DOCK11: variants seen among roughly 807,000 people sequenced by gnomAD.
DOCK11 encodes the protein dedicator of cytokinesis 11.
DOCK11 carries 70 observed loss-of-function variants against 169.1 expected under a neutral mutation model. The observed-to-expected ratio is 0.41, with a 90% CI of 0.34 to 0.51. The LOEUF (loss-of-function observed/expected upper bound fraction) is 0.51. Ranked by LOEUF, DOCK11 falls within the 20% of genes least tolerant of loss-of-function variation. The pLI is 0.10. For missense variants in DOCK11, 1,166 were observed against 1,538.8 expected (o/e 0.76, Z 4.05); for synonymous variants, 529 against 541.3 (o/e 0.98, Z 0.32).
At chrX:118,596,284 A>G (rs988281637) in intron 20 of DOCK11, among the ~76,000 whole-genome samples, 8 of 112,299 alleles carry the variant, frequency 7.1e-5, no homozygotes, top group Non-Finnish European at 1.3e-4. Flanking sequence ...GCATTTCTGT[A>G]GTTGAACTAG....
At chrX:118,571,716 A>G (rs1293723621) in intron 10 of DOCK11, among the ~76,000 whole-genome samples, 6 of 112,127 alleles carry the variant, frequency 5.4e-5, no homozygotes, top group Non-Finnish European at 1.1e-4. Context: ...TGTGTGGGGA[A>G]GACAAAGAAT....
intron 1 of DOCK11, among the ~76,000 whole-genome samples, chrX:118,515,475 C>A (rs766235737): frequency 9.0e-6 from 1 of 111,066 alleles, no homozygotes; most frequent in African/African-American, 3.3e-5. Context: ...TCAGGTGATC[C>A]GCCCGCCTTG....
In DOCK11 at chrX:118,496,091, G is replaced by T; in HGVS notation, c.102+18G>T. ...TGGTGCTGGTGAGTGGCCGGGGGAC[G>T]GGGCATCCCGGGGGACGCGCTCCAG... On this transcript the variant is annotated intron_variant, in intron 1 of 52. Transcript: ENST00000276202. The T allele has an allele frequency of 1.0e-6, 1 of 971,810 alleles. No individual in the cohort carries two copies. Among genetic ancestry groups the T allele is most frequent in the Non-Finnish European group, 1.3e-6 (1 of 768,098 alleles). 80.1% of individuals were successfully genotyped at this position (971,810 alleles called of 1,213,427 possible).
chrX:118,523,771 A>G (rs773432056), intron 1 of DOCK11, among the ~76,000 whole-genome samples: 15 of 111,864 alleles, frequency 1.3e-4, no homozygotes, highest in Non-Finnish European at 2.3e-4. Context: ...ATACTCAATA[A>G]TACTTAGAAA....
intron 30 of DOCK11, among the ~76,000 whole-genome samples, chrX:118,616,038 CA>C (rs1319660244): frequency 4.5e-5 from 5 of 111,610 alleles, no homozygotes; most frequent in African/African-American, 1.6e-4. Flanking sequence ...CTCAAAGCAT[CA>C]AAAAATGTAA....
chrX:118,680,394 A>C, intron 48 of DOCK11, 88 bp from the exon 49 acceptor site: 1 of 492,772 alleles, frequency 2.0e-6, no homozygotes, highest in Non-Finnish European at 2.9e-6. Flanking sequence ...CAAAGAAGTT[A>C]GTAGGTTACC....
Position 118,496,022 on chromosome X carries a change from G to GGCTGA in DOCK11, c.55_59dup (p.Arg21SerfsTer58). The GGCTGA allele has an allele frequency of 9.1e-7, 1 of 1,097,488 alleles. No individual in the cohort carries two copies. Among genetic ancestry groups the GGCTGA allele is most frequent in the Non-Finnish European group, 1.2e-6 (1 of 844,235 alleles). The allele number at this position is 1,097,488 out of a possible 1,213,427, so 90.4% of individuals were successfully genotyped here. A position where few individuals can be genotyped will look rare whatever the true frequency, so the allele number is the denominator to read the frequency against. ...AACGGCTCAGCAAGCCTGGCACGGC[G>GGCTGA]GCTGAGCTCCGGCAGAGCGTGTCTG... On this transcript the variant is annotated frameshift_variant, in exon 1 of 53. Coordinates refer to ENST00000276202, the MANE Select transcript of DOCK11 (RefSeq NM_144658.4). LOFTEE classifies it high-confidence loss of function.
Position 118,593,324 on chromosome X carries a change from A to T in DOCK11, c.2250A>T (p.Thr750=). 8.3e-7 allele frequency: 1 copy of T among 1,203,084 alleles called. No homozygotes were observed. The highest frequency in any genetic ancestry group is 1.1e-6 in the Non-Finnish European group (1 of 892,424). The change falls in exon 20 of 53, where the codon ACA becomes ACT. Residue 750 remains threonine (T), a synonymous_variant. Transcript: ENST00000276202. ...NTKGTTKKQD[T]VETPVGFAWV... ...AGGGAACAACCAAAAAGCAAGACAC[A>T]GTTGAAACTCCAGGTACGTGTTCTC...
chrX:118,596,703 T>C (rs1263793148), intron 20 of DOCK11, among the ~76,000 whole-genome samples: 2 of 111,955 alleles, frequency 1.8e-5, no homozygotes, highest in African/African-American at 6.5e-5. Context: ...ATGAGTTTTC[T>C]AATTGAAAGC....
At position 118,545,306 on chromosome X, in the gene DOCK11, T is replaced by A. The variant is rs1329451709; in HGVS notation, c.393-17T>A. ...TTGGTCTTTTTAGTGTCTAAGACAG[T>A]TCTCTTATATTTGCAGTAAATCTTT... On this transcript the variant is annotated splice_polypyrimidine_tract_variant and intron_variant, in intron 4 of 52. Coordinates refer to ENST00000276202, the MANE Select transcript of DOCK11 (RefSeq NM_144658.4). The A allele has an allele frequency of 8.6e-7, 1 of 1,159,304 alleles. No homozygotes were observed. Among genetic ancestry groups the A allele is most frequent in the South Asian group, 1.9e-5 (1 of 52,193 alleles).
At chrX:118,645,707 A>G (rs2015641734) in intron 40 of DOCK11, among the ~76,000 whole-genome samples, 1 of 108,851 alleles carries the variant, frequency 9.2e-6, no homozygotes, top group Non-Finnish European at 1.9e-5. Context: ...AAGGAAACAA[A>G]CAGTGTACTG....
intron 6 of DOCK11, among the ~76,000 whole-genome samples, chrX:118,557,534 T>C (rs991842844): frequency 2.7e-5 from 3 of 109,624 alleles, no homozygotes; most frequent in Non-Finnish European, 3.8e-5. Flanking sequence ...TTTGGGAGGC[T>C]GAGGTGGGTG....
chrX:118,628,338 T>A, intron 34 of DOCK11, 66 bp downstream of exon 34: 1 of 732,289 alleles, frequency 1.4e-6, no homozygotes, highest in Middle Eastern at 3.0e-4. Context: ...TTTTATAGTA[T>A]AAATATGAGC....
intron 1 of DOCK11, among the ~76,000 whole-genome samples, chrX:118,515,425 G>T (rs1260561129): frequency 9.0e-6 from 1 of 110,859 alleles, no homozygotes; most frequent in Non-Finnish European, 1.9e-5. Context: ...TAGAGACGGG[G>T]TTTCTTCATG....
chrX:118,599,267 C>T, intron 23 of DOCK11, 39 bp downstream of exon 23: 1 of 1,016,953 alleles, frequency 9.8e-7, no homozygotes, highest in Non-Finnish European at 1.4e-6. Context: ...GTTTGTTTTT[C>T]ATGTCTTTCT....
chrX:118,635,450 A>G (rs2015362997), intron 35 of DOCK11, among the ~76,000 whole-genome samples: 2 of 112,556 alleles, frequency 1.8e-5, no homozygotes, highest in Admixed American at 1.9e-4. Context: ...AAAGAGAAGT[A>G]TATGTGATAG....
Position 118,675,997 on chromosome X carries a change from A to G in DOCK11, c.5261A>G (p.His1754Arg). The G allele has an allele frequency of 3.3e-6, 4 of 1,203,955 alleles. No individual in the cohort carries two copies. Among genetic ancestry groups the G allele is most frequent in the South Asian group, 1.8e-5 (1 of 55,060 alleles). ...GAYTKILEVM[H>R]TKKRLLGTFF... Reference sequence around the variant, plus strand: ...TACACAAAAATTCTGGAAGTTATGCATACAAAAAAGAGACTTTTAGGCACT... The same window carrying G: ...TACACAAAAATTCTGGAAGTTATGCGTACAAAAAAGAGACTTTTAGGCACT... The change falls in exon 47 of 53, where the codon CAT becomes CGT. Residue 1754 changes from histidine to arginine, a missense_variant. Coordinates refer to ENST00000276202, the MANE Select transcript of DOCK11 (RefSeq NM_144658.4).
intron 1 of DOCK11, among the ~76,000 whole-genome samples, chrX:118,522,942 C>T (rs1322682288): frequency 8.9e-6 from 1 of 112,411 alleles, no homozygotes; most frequent in Non-Finnish European, 1.9e-5. Context: ...TACGCTGACT[C>T]TATTTGCTCA....
At chrX:118,550,735 G>A (rs1486897726) in intron 6 of DOCK11, among the ~76,000 whole-genome samples, 2 of 111,714 alleles carry the variant, frequency 1.8e-5, no homozygotes, top group Non-Finnish European at 3.8e-5. Context: ...CCTGCATCAC[G>A]TCTGGATTGT....
Sources: allele counts gnomAD v4.1 joint callset (sites outside exome capture counted in the v4.1 genomes callset), GRCh38; gene constraint gnomAD v4.1.1; transcripts MANE v1.5; gene names NCBI Gene and HGNC (gene_info 2026-07-23, HGNC 2026-07-21).